Variants in TBC1D1 observed in about 807,000 individuals in gnomAD.
The protein encoded by TBC1D1 is TBC1 (tre-2/USP6, BUB2, cdc16) domain family, member 1.
A neutral mutation model predicts 125.6 loss-of-function variants in TBC1D1; 89 were observed. The ratio of observed to expected loss-of-function variants is 0.71; its 90% CI spans 0.60 to 0.85. TBC1D1 has a LOEUF of 0.85. Among genes scored for constraint, TBC1D1 ranks in the 40% least tolerant of loss-of-function variants. TBC1D1 has a pLI of 0.00. For synonymous variants in TBC1D1, 565 were observed against 564.1 expected, an observed-to-expected ratio of 1.00 and a Z score of -0.02; for missense variants, 1,377 against 1,469.2, an observed-to-expected ratio of 0.94 and a Z score of 1.03.
At chr4:38,087,621 C>G (rs1757708856) in intron 12 of TBC1D1, among the ~76,000 whole-genome samples, 1 of 151,938 alleles carries the variant, frequency 6.6e-6, no homozygotes, top group Non-Finnish European at 1.5e-5. Flanking sequence ...GTGGGCAGAT[C>G]ACCTGAGGTC....
chr4:38,047,160 C>T (rs1749648620), intron 10 of TBC1D1, among the ~76,000 whole-genome samples: 1 of 152,206 alleles, frequency 6.6e-6, no homozygotes, highest in Non-Finnish European at 1.5e-5. Context: ...TGGCAAACTA[C>T]TCAGTTGTAC....
At chr4:37,898,978 A>G (rs759447955) in intron 1 of TBC1D1, among the ~76,000 whole-genome samples, 4 of 152,234 alleles carry the variant, frequency 2.6e-5, no homozygotes, top group Non-Finnish European at 4.4e-5. Flanking sequence ...AGACACAGCC[A>G]GATTCCTGAG....
chr4:38,110,816 T>G, intron 15 of TBC1D1: 1 of 985,538 alleles, frequency 1.0e-6, no homozygotes, highest in Admixed American at 6.1e-5. Flanking sequence ...TTTACCCAGC[T>G]TCCCTCGAGT....
At chr4:38,105,477 G>A (rs1761145425) in intron 15 of TBC1D1, among the ~76,000 whole-genome samples, 1 of 152,118 alleles carries the variant, frequency 6.6e-6, no homozygotes, top group South Asian at 2.1e-4. Flanking sequence ...TGCGTATGCA[G>A]GTTTCTTACA....
chr4:37,924,539 C>G (rs1721671659), intron 2 of TBC1D1, among the ~76,000 whole-genome samples: 1 of 152,166 alleles, frequency 6.6e-6, no homozygotes, highest in Non-Finnish European at 1.5e-5. Context: ...CCTCACTGCT[C>G]CCTGCCTCCA....
intron 12 of TBC1D1, among the ~76,000 whole-genome samples, chr4:38,062,408 T>C (rs374590092): frequency 8.5e-5 from 13 of 152,276 alleles, no homozygotes; most frequent in East Asian, 7.7e-4. Flanking sequence ...TTTTAGGGCA[T>C]GGGCAAAACA....
intron 18 of TBC1D1, among the ~76,000 whole-genome samples, chr4:38,132,468 C>T (rs1765746854): frequency 6.6e-6 from 1 of 152,194 alleles, no homozygotes; most frequent in Admixed American, 6.5e-5. Context: ...GTTTTCGTCA[C>T]CATTACTATT....
chr4:38,052,409 G>A (rs1025103949), intron 11 of TBC1D1, among the ~76,000 whole-genome samples: 2 of 150,578 alleles, frequency 1.3e-5, no homozygotes, highest in African/African-American at 4.9e-5. Flanking sequence ...TCGGCTCACT[G>A]CAGCTTCTGC....
intron 12 of TBC1D1, among the ~76,000 whole-genome samples, chr4:38,057,149 C>T (rs1478994951): frequency 2.0e-5 from 3 of 152,118 alleles, no homozygotes; most frequent in Non-Finnish European, 2.9e-5. Context: ...GTCTAGAGAC[C>T]CCTGTCAGCG....
At chr4:37,960,461 G>A in intron 2 of TBC1D1, 2 of 1,613,892 alleles carry the variant, frequency 1.2e-6, no homozygotes, top group East Asian at 2.2e-5. Flanking sequence ...ACGTTGATAA[G>A]GAAATTGGAG....
At chr4:37,970,004 C>T (rs1731736810) in intron 2 of TBC1D1, among the ~76,000 whole-genome samples, 1 of 152,210 alleles carries the variant, frequency 6.6e-6, no homozygotes, top group African/African-American at 2.4e-5. Flanking sequence ...ATACAGTATG[C>T]AGTCTTTTGT....
intron 1 of TBC1D1, among the ~76,000 whole-genome samples, chr4:37,896,409 T>G (rs1470760335): frequency 1.3e-5 from 2 of 152,174 alleles, no homozygotes; most frequent in Non-Finnish European, 2.9e-5. Flanking sequence ...TCCTGATCAA[T>G]AATTCCCATC....
chr4:38,042,278 C>A (rs146304697), intron 8 of TBC1D1, among the ~76,000 whole-genome samples: 1 of 152,098 alleles, frequency 6.6e-6, no homozygotes, highest in African/African-American at 2.4e-5. Flanking sequence ...TTTTTTGAGA[C>A]AAGTCTCACG....
intron 2 of TBC1D1, among the ~76,000 whole-genome samples, chr4:38,008,192 CA>C (rs770209605): frequency 1.2e-4 from 19 of 152,320 alleles, no homozygotes; most frequent in Non-Finnish European, 2.6e-4. Context: ...GCTGGCCACC[CA>C]ACATTTTAAG....
intron 12 of TBC1D1, among the ~76,000 whole-genome samples, chr4:38,080,003 C>T (rs1050143345): frequency 6.6e-6 from 1 of 152,134 alleles, no homozygotes; most frequent in Non-Finnish European, 1.5e-5. Context: ...CTGGATCTAC[C>T]CCAGAGTTTT....
intron 2 of TBC1D1, among the ~76,000 whole-genome samples, chr4:38,012,388 C>T (rs1340193100): frequency 6.6e-6 from 1 of 152,102 alleles, no homozygotes; most frequent in Non-Finnish European, 1.5e-5. Flanking sequence ...TCCAGCAATA[C>T]TCCTGCCTCA....
intron 12 of TBC1D1, among the ~76,000 whole-genome samples, chr4:38,079,659 C>T (rs770131708): frequency 2.6e-5 from 4 of 151,618 alleles, no homozygotes; most frequent in African/African-American, 7.3e-5. Context: ...CCCTGGAAGG[C>T]GGAGGTTGCA....
At chr4:38,062,221 G>C (rs10030925) in intron 12 of TBC1D1, among the ~76,000 whole-genome samples, 2 of 151,604 alleles carry the variant, frequency 1.3e-5, no homozygotes, top group South Asian at 2.1e-4. Context: ...GTTGCTCCCC[G>C]CATCTTGATT....
At chr4:37,897,239 T>A (rs1460789305) in intron 1 of TBC1D1, among the ~76,000 whole-genome samples, 1 of 152,172 alleles carries the variant, frequency 6.6e-6, no homozygotes, top group Non-Finnish European at 1.5e-5. Context: ...TTTTTGCCAT[T>A]CCTTTTAATG....
Sources: allele counts gnomAD v4.1 joint callset (sites outside exome capture counted in the v4.1 genomes callset), GRCh38; gene constraint gnomAD v4.1.1; transcripts MANE v1.5; gene names NCBI Gene and HGNC (gene_info 2026-07-23, HGNC 2026-07-21).